The following HMCN1 variants were observed in gnomAD, a reference collection of about 807,000 sequenced individuals.
HMCN1 encodes hemicentin 1.
In HMCN1, 321 loss-of-function variants were observed where a neutral mutation model predicts 625.9. The observed-to-expected ratio is 0.51, with a 90% CI of 0.47 to 0.56. The LOEUF is 0.56. HMCN1 is among the 20% of genes least tolerant of loss of function. The pLI is 0.00. For synonymous variants in HMCN1, 2,425 were observed against 2,417.6 expected (o/e 1.00, Z -0.09); for missense variants, 6,588 against 6,887.3 (o/e 0.96, Z 1.54).
At chr1:185,766,234 A>G (rs1285530855) in intron 1 of HMCN1, among the ~76,000 whole-genome samples, 1 of 152,144 alleles carries the variant, frequency 6.6e-6, no homozygotes, top group African/African-American at 2.4e-5. Flanking sequence ...GTATAATCTG[A>G]AAAGCATGAG....
intron 15 of HMCN1, among the ~76,000 whole-genome samples, chr1:185,975,707 A>G (rs1651158209): frequency 6.6e-6 from 1 of 152,196 alleles, no homozygotes; most frequent in South Asian, 2.1e-4. Flanking sequence ...TTCCATATAG[A>G]TGGATTAAGA....
At chr1:185,778,633 A>G (rs1656803228) in intron 1 of HMCN1, among the ~76,000 whole-genome samples, 1 of 151,796 alleles carries the variant, frequency 6.6e-6, no homozygotes, top group African/African-American at 2.4e-5. Context: ...GCTGAGAATG[A>G]TGGTTTCCAG....
At chr1:186,003,930 T>G (rs193057376) in intron 29 of HMCN1, 86 bp downstream of exon 29, 1 of 1,256,200 alleles carries the variant, frequency 8.0e-7, no homozygotes, top group East Asian at 2.4e-5. Context: ...CCCTCTTAAT[T>G]ATTTTATTAC....
rs761663596 is a variant in HMCN1 at position 186,171,497 on chromosome 1, C to G, written c.15688+47C>G. ...TAAAGGAATGACACCTCTATAACTT[C>G]TTAATGATGTCTGATCTAAATGCAT... On this transcript the variant is annotated intron_variant, in intron 101 of 106. Coordinates refer to ENST00000271588, the MANE Select transcript of HMCN1 (RefSeq NM_031935.3). The G allele has an allele frequency of 3.2e-5, 42 of 1,327,906 alleles. 1 individual carries two copies. The Middle Eastern group carries it at 7.3e-4, about 23-fold the overall frequency. 82.3% of individuals were successfully genotyped at this position (1,327,906 alleles called of 1,614,324 possible). A position where few individuals can be genotyped will look rare whatever the true frequency, so the allele number is the denominator to read the frequency against.
Position 186,094,342 on chromosome 1 carries a change from G to T in HMCN1, c.10263G>T (p.Val3421=), listed in dbSNP as rs1043821747. The change falls in exon 67 of 107, where the codon GTG becomes GTT. Residue 3421 remains valine, a synonymous_variant. Transcript: ENST00000271588. ...YTCVASNRAG[V]DNKHYNLQVF... ...GTGTGGCCTCCAACAGAGCTGGGGT[G>T]GATAATAAGCATTACAATCTTCAAG... The T allele has an allele frequency of 6.2e-7, 1 of 1,612,968 alleles. No individual in the cohort carries two copies.
At position 185,871,798 on chromosome 1, in the gene HMCN1, C is replaced by T. The variant is rs561237636; in HGVS notation, c.621+5935C>T. On this transcript the variant is annotated intron_variant, in intron 4 of 106. Transcript: ENST00000271588. ...GTATGAATCTGGCACAGCCTCTTCC[C>T]GCTATTTTGGCTAATGGCCATTTAG... Among the ~76,000 whole-genome samples, 3 of 152,238 alleles carry T rather than the reference C, an allele frequency of 2.0e-5. No individual in the cohort carries two copies. The South Asian group carries it at 6.2e-4, about 32-fold the overall frequency.
At chr1:186,053,691 C>A in intron 43 of HMCN1, 134 bp from the exon 44 acceptor site, 1 of 846,868 alleles carries the variant, frequency 1.2e-6, no homozygotes, top group South Asian at 1.5e-5. Context: ...ATTTTACACA[C>A]TAGGGCAGGA....
chr1:186,144,550 A>G lies in HMCN1; in HGVS notation c.14113A>G (p.Thr4705Ala), dbSNP rs1315645100. 5.6e-6 allele frequency: 9 copies of G among 1,614,012 alleles called. No homozygotes were observed. The highest frequency in any genetic ancestry group is 7.6e-6 in the Non-Finnish European group (9 of 1,179,982). Residue 4705 changes from threonine (T) to alanine (A), a missense_variant, in exon 91 of 107, where the codon ACT becomes GCT. Thr to Ala is a moderately conservative substitution (Grantham distance 58). Around this residue, in one of 3 missense-constraint regions of HMCN1, gnomAD observed 1,954 missense variants for 2,013.1 expected, o/e 0.97. Transcript: ENST00000271588. ...RNCPIHGKWA[T>A]WASWSACSVS... Reference sequence around the variant, plus strand: ...TATTCCAGTTCATGGCAAGTGGGCGACTTGGGCCAGTTGGAGTGCCTGTTC... The same window carrying G: ...TATTCCAGTTCATGGCAAGTGGGCGGCTTGGGCCAGTTGGAGTGCCTGTTC...
At chr1:185,807,091 G>A (rs1207775313) in intron 1 of HMCN1, among the ~76,000 whole-genome samples, 1 of 152,090 alleles carries the variant, frequency 6.6e-6, no homozygotes, top group Non-Finnish European at 1.5e-5. Flanking sequence ...CCTGTGTGTT[G>A]AAGATTATAA....
At chr1:186,086,129 T>C in intron 57 of HMCN1, 117 bp from the exon 58 acceptor site, 1 of 911,700 alleles carries the variant, frequency 1.1e-6, no homozygotes, top group South Asian at 1.4e-5. Flanking sequence ...AGCTAGATAA[T>C]GAACAGAATC....
At chr1:186,118,326 A>G (rs949021626) in intron 77 of HMCN1, among the ~76,000 whole-genome samples, 1 of 152,206 alleles carries the variant, frequency 6.6e-6, no homozygotes, top group African/African-American at 2.4e-5. Flanking sequence ...TATTTCCTCA[A>G]TAGAAGGGTA....
In HMCN1 at chr1:186,189,850, A is replaced by G. The variant is rs1227059456; in HGVS notation, c.16880A>G (p.Tyr5627Cys). Residue 5627 changes from tyrosine (Y) to cysteine (C), a missense_variant, in exon 107 of 107, where the codon TAT (tyrosine) becomes TGT (cysteine). Tyr to Cys is a radical substitution (Grantham distance 194). This residue lies in a region of HMCN1 where 1,954 missense variants were observed against 2,013.1 expected (regional missense o/e 0.97). Transcript: ENST00000271588. Reference sequence around the variant, plus strand: ...GAATATCAGACCACATTCATAGTTTATATAGCTGTGTCCGCCTATCCATAC... The same window carrying G: ...GAATATCAGACCACATTCATAGTTTGTATAGCTGTGTCCGCCTATCCATAC... ...TIEYQTTFIV[Y>C]IAVSAYPY The G allele has an allele frequency of 6.2e-7, 1 of 1,613,796 alleles. No individual in the cohort carries two copies. The highest frequency in any genetic ancestry group is 8.5e-7 in the Non-Finnish European group (1 of 1,179,810).
At position 185,843,237 on chromosome 1, in the gene HMCN1, C is replaced by T. The variant is rs74133687; in HGVS notation, c.269-2789C>T. Among the ~76,000 whole-genome samples the T allele has an allele frequency of 7.7e-3, 1,177 of 152,050 alleles. 14 individuals are homozygous for T. The highest frequency in any genetic ancestry group is 0.025 in the African/African-American group (1,026 of 41,470). On this transcript the variant is annotated intron_variant, in intron 1 of 106. Coordinates refer to ENST00000271588, the MANE Select transcript of HMCN1 (RefSeq NM_031935.3). The stretch of plus-strand genomic sequence containing the variant: ...TTCTGTTATAACAATGTTATCAGGA[C>T]GACAGTAAAGCAAATTAGAGAAAAG...
chr1:185,771,408 G>A (rs535087243), intron 1 of HMCN1, among the ~76,000 whole-genome samples: 1 of 152,256 alleles, frequency 6.6e-6, no homozygotes, highest in East Asian at 1.9e-4. Context: ...ATTTGGTTAG[G>A]CTCTAGGAAT....
At chr1:185,997,997 G>A (rs926430641) in intron 25 of HMCN1, among the ~76,000 whole-genome samples, 3 of 152,022 alleles carry the variant, frequency 2.0e-5, no homozygotes, top group Admixed American at 1.3e-4. Context: ...CTTGTAAATT[G>A]TCACTTGGAG....
chr1:186,058,314 A>T (rs188736455), intron 46 of HMCN1, among the ~76,000 whole-genome samples: 3 of 152,102 alleles, frequency 2.0e-5, no homozygotes, highest in Admixed American at 2.0e-4. Context: ...ATACAATGCG[A>T]TTATCAAGAC....
rs1651596974 is a variant in HMCN1 at position 185,981,048 on chromosome 1, G to T, written c.2637G>T (p.Glu879Asp). The change falls in exon 17 of 107, where the codon GAG (glutamate) becomes GAT (aspartate). Residue 879 changes from glutamate to aspartate, a missense_variant. This residue lies in a region of HMCN1 where 4,628 missense variants were observed against 4,853.1 expected (regional missense o/e 0.95). Coordinates refer to ENST00000271588, the MANE Select transcript of HMCN1 (RefSeq NM_031935.3). ...AENQFGKIQS[E>D]TTVTVTGLVA... The stretch of plus-strand genomic sequence containing the variant: ...ACCAGTTTGGAAAGATCCAGTCAGA[G>T]ACAACAGTAACAGTGACCGGACTTG... 2 of 1,610,014 alleles carry T rather than the reference G, an allele frequency of 1.2e-6. No individual in the cohort carries two copies. The highest frequency in any genetic ancestry group is 3.3e-5 in the Admixed American group (2 of 59,958).
intron 6 of HMCN1, among the ~76,000 whole-genome samples, chr1:185,921,581 T>A (rs1205890573): frequency 6.6e-6 from 1 of 152,236 alleles, no homozygotes; most frequent in Non-Finnish European, 1.5e-5. Context: ...AATATGTGCC[T>A]TCTCAGTGTT....
intron 96 of HMCN1, 68 bp from the exon 97 acceptor site, chr1:186,153,682 T>C (rs1650809946): frequency 7.9e-7 from 1 of 1,260,522 alleles, no homozygotes; most frequent in Non-Finnish European, 1.2e-6. Context: ...CTGCATTTCA[T>C]AGTCCCCTTA....
Sources: gnomAD v4.1 joint callset for allele counts (sites outside exome capture counted in the v4.1 genomes callset) on GRCh38, gnomAD v4.1.1 for gene constraint, gnomAD v4.1.1 regional missense constraint, MANE v1.5 for transcripts, NCBI Gene and HGNC (gene_info 2026-07-23, HGNC 2026-07-21) for gene names.